WDPCP: variants seen among roughly 807,000 people sequenced by gnomAD.
The protein encoded by WDPCP is WD repeat-containing and planar cell polarity effector protein fritz homolog.
In WDPCP, 71 loss-of-function variants were observed where a neutral mutation model predicts 93.1. The ratio of observed to expected loss-of-function variants is 0.76; its 90% CI spans 0.63 to 0.93. The LOEUF (loss-of-function observed/expected upper bound fraction) is 0.93. WDPCP is among the 40% of genes least tolerant of loss of function. The pLI, the probability that WDPCP is intolerant of heterozygous loss-of-function variation, is 0.00. For synonymous variants in WDPCP, 315 were observed against 315.0 expected (o/e 1.00, Z 0.00); for missense variants, 844 against 887.4 (o/e 0.95, Z 0.62).
At chr2:63,513,312 T>C (rs1194284893) in intron 1 of WDPCP, among the ~76,000 whole-genome samples, 1 of 152,134 alleles carries the variant, frequency 6.6e-6, no homozygotes, top group Non-Finnish European at 1.5e-5. Context: ...AAACATACAA[T>C]ATTGATTAAC....
At chr2:63,684,705 T>C in intron 2 of WDPCP, 1 of 653,498 alleles carries the variant, frequency 1.5e-6, no homozygotes, top group Non-Finnish European at 3.0e-6. Context: ...TTCCAGAAGC[T>C]GCGGTTTTAG....
intron 7 of WDPCP, chr2:63,437,837 G>A: frequency 3.1e-6 from 5 of 1,593,938 alleles, no homozygotes; most frequent in Non-Finnish European, 4.3e-6. Flanking sequence ...GGCTATAAAG[G>A]TATTTTTAAA....
At chr2:63,193,647 T>C (rs1256382309) in intron 14 of WDPCP, among the ~76,000 whole-genome samples, 2 of 152,200 alleles carry the variant, frequency 1.3e-5, no homozygotes, top group Non-Finnish European at 2.9e-5. Flanking sequence ...CCACCATGCC[T>C]GGCTAATTTT....
intron 1 of WDPCP, among the ~76,000 whole-genome samples, chr2:63,503,246 C>T (rs1044601204): frequency 1.3e-5 from 2 of 152,324 alleles, no homozygotes; most frequent in East Asian, 1.9e-4. Context: ...CTTCTTTCTA[C>T]TCATTACATG....
At chr2:63,319,802 A>G (rs1043085825) in intron 12 of WDPCP, among the ~76,000 whole-genome samples, 1 of 152,208 alleles carries the variant, frequency 6.6e-6, no homozygotes. Flanking sequence ...ATCAGAGAAT[A>G]CACATTCTTC....
chr2:63,633,470 A>G (rs988747863), intron 3 of WDPCP, among the ~76,000 whole-genome samples: 11 of 152,194 alleles, frequency 7.2e-5, no homozygotes, highest in African/African-American at 2.7e-4. Context: ...GAGGCGAGTA[A>G]AAGAGTAGAG....
chr2:63,383,901 CAT>C (rs772442703), intron 10 of WDPCP, among the ~76,000 whole-genome samples: 18 of 152,104 alleles, frequency 1.2e-4, no homozygotes, highest in Non-Finnish European at 8.8e-5. Flanking sequence ...TAAGTGCACA[CAT>C]AACACAGACC....
chr2:63,135,634 G>GTTA (rs1186120726), intron 17 of WDPCP, among the ~76,000 whole-genome samples: 5 of 152,180 alleles, frequency 3.3e-5, no homozygotes, highest in Non-Finnish European at 5.9e-5. Flanking sequence ...CCAGCCAAAT[G>GTTA]TTATTATTTC....
chr2:63,780,398 T>C (rs1317476423), intron 2 of WDPCP, among the ~76,000 whole-genome samples: 1 of 152,184 alleles, frequency 6.6e-6, no homozygotes, highest in Non-Finnish European at 1.5e-5. Context: ...TGCAGGTCTT[T>C]GAGGGCTGTG....
intron 3 of WDPCP, among the ~76,000 whole-genome samples, chr2:63,619,311 ATT>A (rs1709706868): frequency 6.6e-6 from 1 of 152,194 alleles, no homozygotes; most frequent in Admixed American, 6.5e-5. Flanking sequence ...AACAGAAGGG[ATT>A]TCAAGACTTG....
intron 2 of WDPCP, among the ~76,000 whole-genome samples, chr2:63,489,017 G>A (rs1700722973): frequency 6.6e-6 from 1 of 151,912 alleles, no homozygotes; most frequent in Admixed American, 6.6e-5. Context: ...ACTCCAGCAG[G>A]GTAAGAACAC....
chr2:63,137,608 C>T (rs71422376), intron 17 of WDPCP, among the ~76,000 whole-genome samples: 2,252 of 152,202 alleles, frequency 0.015, 18 homozygotes, highest in Middle Eastern at 0.024. Context: ...CTTTTGGCAT[C>T]TTCATCATGA....
chr2:63,711,976 AT>A (rs954808109), intron 2 of WDPCP, among the ~76,000 whole-genome samples: 37 of 149,140 alleles, frequency 2.5e-4, no homozygotes, highest in East Asian at 5.8e-4. Flanking sequence ...ACATTTAAGG[AT>A]TTTTTTTTTA....
intron 2 of WDPCP, among the ~76,000 whole-genome samples, chr2:63,774,176 C>T (rs1184248521): frequency 6.6e-6 from 1 of 151,906 alleles, no homozygotes; most frequent in Non-Finnish European, 1.5e-5. Flanking sequence ...TACACAGTGC[C>T]AAGCAATTAT....
intron 2 of WDPCP, among the ~76,000 whole-genome samples, chr2:63,720,416 TAA>T (rs56140939): frequency 8.8e-5 from 11 of 124,862 alleles, no homozygotes; most frequent in Admixed American, 8.1e-5. Context: ...GACTCTACCT[TAA>T]AAAAAAAAAA....
rs56169605 is a variant in WDPCP, at chr2:63,782,423, G to A, written n.308+31199C>T. ...GATTTGCTAACTATGTATCCAACAA[G>A]GTACTAATATCAGAATCTAGAAGGA... On this transcript the variant is annotated intron_variant and non_coding_transcript_variant, in intron 2 of 4. Transcript: ENST00000467687. Among the ~76,000 whole-genome samples, 1,462 of 152,156 alleles carry A rather than the reference G, an allele frequency of 9.6e-3. 4 individuals are homozygous for A. Among genetic ancestry groups the A allele is most frequent in the Non-Finnish European group, 0.015 (1,038 of 67,990 alleles).
rs1447583734 is a variant in WDPCP, at chr2:63,622,413, G to C, written n.488+28246C>G. On this transcript the variant is annotated intron_variant and non_coding_transcript_variant, in intron 3 of 4. Transcript: ENST00000467687. Reference sequence around the variant, plus strand: ...AAGACCAAATTCCTGGACAGCTCTGGAGACACCAAATAAGCTAGAGGAGAC... The same window carrying C: ...AAGACCAAATTCCTGGACAGCTCTGCAGACACCAAATAAGCTAGAGGAGAC... 6.2e-6 allele frequency: 10 copies of C among 1,613,766 alleles called. No homozygotes were observed. In the Admixed American group the frequency reaches 1.7e-4, roughly 27 times the overall value.
intron 12 of WDPCP, 128 bp downstream of exon 12, chr2:63,378,258 G>A (rs1692015601): frequency 5.1e-6 from 6 of 1,186,400 alleles, no homozygotes; most frequent in African/African-American, 1.5e-5. Context: ...AAAAGAAGAT[G>A]TATATTTCTT....
At chr2:63,493,685 G>C (rs1399419175) in intron 1 of WDPCP, among the ~76,000 whole-genome samples, 2 of 151,448 alleles carry the variant, frequency 1.3e-5, no homozygotes, top group South Asian at 4.2e-4. Flanking sequence ...ATTGGGAGAA[G>C]GCTAGTCTGC....
Sources: allele counts gnomAD v4.1 joint callset (sites outside exome capture counted in the v4.1 genomes callset), GRCh38; gene constraint gnomAD v4.1.1; transcripts MANE v1.5; gene names NCBI Gene and HGNC (gene_info 2026-07-23, HGNC 2026-07-21).